POU6F2: variants seen among roughly 807,000 people sequenced by gnomAD.
POU6F2 encodes the protein POU domain, class 6, transcription factor 2.
A neutral mutation model predicts 71.3 loss-of-function variants in POU6F2; 31 were observed. The observed-to-expected ratio is 0.43, with a 90% CI of 0.33 to 0.59. POU6F2 has a LOEUF of 0.59. Ranked by LOEUF, POU6F2 falls within the 20% of genes least tolerant of loss-of-function variation. The pLI is 0.04. For synonymous variants in POU6F2, 347 were observed against 355.7 expected, an observed-to-expected ratio of 0.98 and a Z score of 0.27; for missense variants, 783 against 856.8, an observed-to-expected ratio of 0.91 and a Z score of 1.07.
intron 4 of POU6F2, among the ~76,000 whole-genome samples, chr7:39,217,998 G>A (rs937629149): frequency 1.3e-5 from 2 of 152,126 alleles, no homozygotes; most frequent in African/African-American, 4.8e-5. Flanking sequence ...CAAAGCCAAA[G>A]CATTTATTTT....
chr7:39,263,265 C>T (rs941764308), intron 4 of POU6F2, among the ~76,000 whole-genome samples: 13 of 152,278 alleles, frequency 8.5e-5, no homozygotes, highest in African/African-American at 3.1e-4. Flanking sequence ...TTTGAAATCA[C>T]CCAGAGTTTT....
chr7:39,338,775 T>G lies in POU6F2; in HGVS notation c.599-867T>G, dbSNP rs185928891. On this transcript the variant is annotated intron_variant, in intron 4 of 9. Coordinates refer to ENST00000518318, the MANE Select transcript of POU6F2 (RefSeq NM_001370959.1). The stretch of plus-strand genomic sequence containing the variant: ...CTTAGGTCAAACTAACCAGCTTCCT[T>G]CTGCAGAAATTGTTCAGTGCTACAT... Among the ~76,000 whole-genome samples, 824 of 152,346 alleles carry G rather than the reference T, an allele frequency of 5.4e-3. 7 individuals are homozygous for G. Among genetic ancestry groups the G allele is most frequent in the African/African-American group, 0.017 (700 of 41,586 alleles).
intron 1 of POU6F2, among the ~76,000 whole-genome samples, chr7:38,998,316 G>C (rs952623): frequency 0.26 from 39,590 of 152,026 alleles, 6,106 homozygotes; most frequent in East Asian, 0.46. Flanking sequence ...TTCTCTATCA[G>C]GTACATTCTA....
rs1463753597 is a variant in POU6F2 at position 39,098,475 on chromosome 7, C to A, written c.277+12444C>A. Among the ~76,000 whole-genome samples the A allele has an allele frequency of 2.0e-5, 3 of 151,050 alleles. 1 individual carries two copies. Among genetic ancestry groups the A allele is most frequent in the Middle Eastern group, 6.3e-3 (2 of 316 alleles). ...TTTTAATTTGCAAGAGAGGGGGGGT[C>A]TCACTTTGTTGCTTAGGCTGGTCTT... On this transcript the variant is annotated intron_variant, in intron 2 of 9. Transcript: ENST00000518318.
At chr7:39,424,816 G>GCA (rs927140966) in intron 6 of POU6F2, among the ~76,000 whole-genome samples, 12 of 149,678 alleles carry the variant, frequency 8.0e-5, no homozygotes, top group Admixed American at 3.3e-4. Flanking sequence ...GGAAAAACAA[G>GCA]CACACACAAA....
chr7:39,251,557 C>T (rs1783916703), intron 4 of POU6F2, among the ~76,000 whole-genome samples: 1 of 152,142 alleles, frequency 6.6e-6, no homozygotes, highest in Admixed American at 6.5e-5. Flanking sequence ...ATGGCCCCTA[C>T]CTTTAAAATA....
chr7:39,261,985 T>C (rs1478385434), intron 4 of POU6F2, among the ~76,000 whole-genome samples: 5 of 152,102 alleles, frequency 3.3e-5, no homozygotes, highest in Admixed American at 2.0e-4. Context: ...AAATGTGTTT[T>C]CTGAGTTGGC....
intron 2 of POU6F2, among the ~76,000 whole-genome samples, chr7:39,187,477 G>C (rs1311338151): frequency 6.6e-6 from 1 of 152,232 alleles, no homozygotes; most frequent in East Asian, 1.9e-4. Context: ...GCCATCAGAG[G>C]GTAGGGTGGA....
intron 1 of POU6F2, among the ~76,000 whole-genome samples, chr7:39,010,388 A>T (rs1323445748): frequency 6.7e-6 from 1 of 148,744 alleles, no homozygotes; most frequent in Admixed American, 6.7e-5. Flanking sequence ...ATCATTTTTT[A>T]TTGCATCTAT....
At chr7:38,978,672 C>G (rs968269486) in intron 1 of POU6F2, among the ~76,000 whole-genome samples, 3 of 152,200 alleles carry the variant, frequency 2.0e-5, no homozygotes, top group African/African-American at 7.2e-5. Flanking sequence ...TCTGCTCGCG[C>G]TTCCTAATGC....
rs143972940 is a variant in POU6F2 at position 39,001,520 on chromosome 7, A to T, written c.105+23462A>T. Reference sequence around the variant, plus strand: ...AGAAAGGAAATGAAAATTATTACTAAGCTAGTGAATTATGATTGAGGATGG... The same window carrying T: ...AGAAAGGAAATGAAAATTATTACTATGCTAGTGAATTATGATTGAGGATGG... On this transcript the variant is annotated intron_variant, in intron 1 of 9. Transcript: ENST00000518318. Among the ~76,000 whole-genome samples the T allele has an allele frequency of 2.5e-3, 377 of 152,294 alleles. 1 individual carries two copies. The highest frequency in any genetic ancestry group is 3.8e-3 in the Admixed American group (58 of 15,304).
At chr7:39,015,443 C>A (rs1347302814) in intron 1 of POU6F2, among the ~76,000 whole-genome samples, 3 of 120,102 alleles carry the variant, frequency 2.5e-5, no homozygotes, top group Admixed American at 9.6e-5. Flanking sequence ...AATATATAAT[C>A]TAATATATAT....
intron 1 of POU6F2, among the ~76,000 whole-genome samples, chr7:39,022,449 T>A (rs1789698741): frequency 6.6e-6 from 1 of 152,070 alleles, no homozygotes; most frequent in South Asian, 2.1e-4. Flanking sequence ...CTTCAATCAG[T>A]TTTGACACTT....
At chr7:39,127,996 C>G (rs539189382) in intron 2 of POU6F2, among the ~76,000 whole-genome samples, 1 of 152,054 alleles carries the variant, frequency 6.6e-6, no homozygotes, top group South Asian at 2.1e-4. Flanking sequence ...GTGCCCACCA[C>G]CACGCCCGGC....
chr7:39,011,380 ATCT>A (rs959275997), intron 1 of POU6F2, among the ~76,000 whole-genome samples: 6 of 150,866 alleles, frequency 4.0e-5, no homozygotes, highest in African/African-American at 1.5e-4. Context: ...TGCTTGGTAG[ATCT>A]TCTTCCATCC....
chr7:39,441,740 A>G (rs2116073139), intron 7 of POU6F2, among the ~76,000 whole-genome samples: 1 of 152,190 alleles, frequency 6.6e-6, no homozygotes, highest in East Asian at 1.9e-4. Context: ...CCTGTTTGAA[A>G]CATGTTGAAA....
chr7:38,999,309 T>C (rs1788832104), intron 1 of POU6F2, among the ~76,000 whole-genome samples: 1 of 152,172 alleles, frequency 6.6e-6, no homozygotes, highest in South Asian at 2.1e-4. Context: ...TGTAGCACAA[T>C]TCTTTACACA....
chr7:39,029,316 C>T (rs897434902), intron 1 of POU6F2, among the ~76,000 whole-genome samples: 2 of 151,962 alleles, frequency 1.3e-5, no homozygotes, highest in African/African-American at 4.8e-5. Flanking sequence ...TGAAAAATAA[C>T]ATTTTTTATT....
Position 39,278,029 on chromosome 7 carries a change from G to A in POU6F2, c.599-61613G>A, listed in dbSNP as rs371262567. 5.4e-5 allele frequency among the ~76,000 whole-genome samples: 8 copies of A among 148,710 alleles called. No individual in the cohort carries two copies. In the South Asian group the frequency reaches 1.3e-3, roughly 24 times the overall value. On this transcript the variant is annotated intron_variant, in intron 4 of 9. Transcript: ENST00000518318. ...GCAGAGGTTGCAGTGAGCCGAGATC[G>A]GGCCACTGCACTCTAGCCTGGCGAC...
Sources: allele counts gnomAD v4.1 joint callset (sites outside exome capture counted in the v4.1 genomes callset), GRCh38; gene constraint gnomAD v4.1.1; transcripts MANE v1.5; gene names NCBI Gene and HGNC (gene_info 2026-07-23, HGNC 2026-07-21).